The following VPS13B variants were observed in gnomAD, a reference collection of about 807,000 sequenced individuals.
The protein encoded by VPS13B is intermembrane lipid transfer protein VPS13B.
A neutral mutation model predicts 426.4 loss-of-function variants in VPS13B; 285 were observed. The observed-to-expected ratio is 0.67, with a 90% CI of 0.61 to 0.74. The LOEUF (loss-of-function observed/expected upper bound fraction) is 0.74. Among genes scored for constraint, VPS13B ranks in the 30% least tolerant of loss-of-function variants. VPS13B has a pLI of 0.00. For missense variants in VPS13B, 4,537 were observed against 4,782.6 expected, an observed-to-expected ratio of 0.95 and a Z score of 1.51; for synonymous variants, 1,676 against 1,676.4, an observed-to-expected ratio of 1.00 and a Z score of 0.01.
chr8:99,476,509 A>G (rs72674629), intron 24 of VPS13B, among the ~76,000 whole-genome samples: 247 of 152,098 alleles, frequency 1.6e-3, no homozygotes, highest in South Asian at 5.8e-3. Context: ...AGAACGCCAT[A>G]TCTACATACC....
chr8:99,820,768 A>G (rs1186869819), intron 49 of VPS13B, among the ~76,000 whole-genome samples: 2 of 152,192 alleles, frequency 1.3e-5, no homozygotes, highest in Non-Finnish European at 2.9e-5. Context: ...TAACTCCTAA[A>G]TAAAATGTCT....
Position 99,035,649 on chromosome 8 carries a change from T to C in VPS13B, c.148-2774T>C, listed in dbSNP as rs530701705. 2.6e-5 allele frequency among the ~76,000 whole-genome samples: 4 copies of C among 152,328 alleles called. No individual in the cohort carries two copies. In the South Asian group the frequency reaches 6.2e-4, roughly 24 times the overall value. On this transcript the variant is annotated intron_variant, in intron 2 of 61. Coordinates refer to ENST00000357162, the MANE Select transcript of VPS13B (RefSeq NM_152564.5). The stretch of plus-strand genomic sequence containing the variant: ...CTTTGAACATGGGTGTGTGAATATC[T>C]CCTTAAGATTTTCTTTTAAATTATT...
At chr8:99,091,427 C>T (rs959517053) in intron 3 of VPS13B, among the ~76,000 whole-genome samples, 4 of 152,068 alleles carry the variant, frequency 2.6e-5, no homozygotes, top group Non-Finnish European at 5.9e-5. Flanking sequence ...CTGTCATAAC[C>T]CCTTTTTTCC....
chr8:99,388,775 C>T (rs771039072), intron 20 of VPS13B, among the ~76,000 whole-genome samples: 5 of 152,160 alleles, frequency 3.3e-5, no homozygotes, highest in African/African-American at 7.2e-5. Flanking sequence ...CAGCTGTGTA[C>T]AAGGCATACA....
chr8:99,818,887 A>G lies in VPS13B; in HGVS notation c.8620A>G (p.Arg2874Gly). The change falls in exon 47 of 62, where the codon AGA becomes GGA. Residue 2874 changes from arginine to glycine, a missense_variant and splice_region_variant. By Grantham distance (125) the Arg-to-Gly change is moderately radical. Coordinates refer to ENST00000357162, the MANE Select transcript of VPS13B (RefSeq NM_152564.5). ...DLVHHLTFQA[R>G]EEYDPSDCAV... ...TGTACATCACCTGACATTCCAAGCA[A>G]GGTACTAGAAAAATCCTTCCATACA... 1 of 1,474,176 alleles carries G rather than the reference A, an allele frequency of 6.8e-7. No individual in the cohort carries two copies. Among genetic ancestry groups the G allele is most frequent in the Non-Finnish European group, 9.2e-7 (1 of 1,092,376 alleles). The allele number at this position is 1,474,176 out of a possible 1,614,324, so 91.3% of individuals were successfully genotyped here. A position where few individuals can be genotyped will look rare whatever the true frequency, so the allele number is the denominator to read the frequency against.
At chr8:99,562,184 A>G (rs565383145) in intron 31 of VPS13B, among the ~76,000 whole-genome samples, 28 of 152,208 alleles carry the variant, frequency 1.8e-4, no homozygotes, top group African/African-American at 6.7e-4. Flanking sequence ...TTACATCTCT[A>G]TAATGATTAA....
chr8:99,467,670 T>C, intron 24 of VPS13B, 36 bp downstream of exon 24: 1 of 1,586,936 alleles, frequency 6.3e-7, no homozygotes, highest in African/African-American at 1.5e-5. Flanking sequence ...AAATTTAAAG[T>C]AATGTGATTT....
At chr8:99,441,066 A>G (rs947786161) in intron 22 of VPS13B, among the ~76,000 whole-genome samples, 13 of 152,246 alleles carry the variant, frequency 8.5e-5, no homozygotes, top group African/African-American at 3.1e-4. Flanking sequence ...ATCTTAAATC[A>G]ATAAACTACT....
At chr8:99,431,765 AT>A (rs1273645355) in intron 22 of VPS13B, 101 bp downstream of exon 22, 1 of 1,185,698 alleles carries the variant, frequency 8.4e-7, no homozygotes, top group Non-Finnish European at 1.2e-6. Context: ...TGTAACAATT[AT>A]GTATACCATC....
At chr8:99,349,242 A>G (rs1811723808) in intron 19 of VPS13B, among the ~76,000 whole-genome samples, 1 of 140,432 alleles carries the variant, frequency 7.1e-6, no homozygotes, top group South Asian at 2.5e-4. Flanking sequence ...CTGAGGCAGG[A>G]GAATGGCGTG....
At chr8:99,673,275 G>A (rs766124840) in intron 35 of VPS13B, among the ~76,000 whole-genome samples, 1 of 151,836 alleles carries the variant, frequency 6.6e-6, no homozygotes, top group East Asian at 1.9e-4. Flanking sequence ...TTTTTTGATG[G>A]GAGATTTTTT....
intron 17 of VPS13B, among the ~76,000 whole-genome samples, chr8:99,243,891 A>G (rs1361241524): frequency 6.6e-6 from 1 of 152,214 alleles, no homozygotes; most frequent in Non-Finnish European, 1.5e-5. Context: ...TCAATCCTGA[A>G]GTGGTTGCTC....
intron 19 of VPS13B, among the ~76,000 whole-genome samples, chr8:99,376,848 A>C (rs1032534670): frequency 6.6e-6 from 1 of 152,056 alleles, no homozygotes; most frequent in Non-Finnish European, 1.5e-5. Context: ...AGTATATAAT[A>C]TGGCCTGTAC....
intron 19 of VPS13B, among the ~76,000 whole-genome samples, chr8:99,297,569 A>G (rs1277012321): frequency 6.6e-6 from 1 of 152,218 alleles, no homozygotes; most frequent in Non-Finnish European, 1.5e-5. Context: ...TTTTTACAAA[A>G]TGAAAATGTC....
intron 15 of VPS13B, among the ~76,000 whole-genome samples, chr8:99,168,033 T>G (rs995892874): frequency 1.3e-5 from 2 of 152,174 alleles, no homozygotes; most frequent in African/African-American, 4.8e-5. Flanking sequence ...TGTAAATCTA[T>G]GTATCTGATT....
Position 99,311,756 on chromosome 8 carries a change from T to A in VPS13B, c.2824+36502T>A, listed in dbSNP as rs527772046. Among the ~76,000 whole-genome samples the A allele has an allele frequency of 3.3e-3, 500 of 152,286 alleles. 2 individuals are homozygous for A. The highest frequency in any genetic ancestry group is 5.7e-3 in the Non-Finnish European group (387 of 68,012). ...CTTTCTGTCTCATTGATCTGTCTAA[T>A]GTTGATAGTGGGGTGTTATAGTCTC... On this transcript the variant is annotated intron_variant, in intron 19 of 61. Transcript: ENST00000357162.
intron 3 of VPS13B, among the ~76,000 whole-genome samples, chr8:99,084,597 A>G (rs962149735): frequency 1.1e-4 from 16 of 152,198 alleles, no homozygotes; most frequent in Non-Finnish European, 2.1e-4. Flanking sequence ...ATTTAGCGCT[A>G]TAATTTTCCC....
intron 36 of VPS13B, among the ~76,000 whole-genome samples, chr8:99,702,730 T>C (rs528845141): frequency 6.6e-6 from 1 of 152,298 alleles, no homozygotes; most frequent in South Asian, 2.1e-4. Context: ...GGAACAATTA[T>C]AGCAGCAGAA....
At chr8:99,464,495 AT>A (rs1819004720) in intron 23 of VPS13B, among the ~76,000 whole-genome samples, 1 of 152,172 alleles carries the variant, frequency 6.6e-6, no homozygotes, top group Non-Finnish European at 1.5e-5. Context: ...AAGGATTTGT[AT>A]AAATAGTCAT....
Sources: allele counts gnomAD v4.1 joint callset (sites outside exome capture counted in the v4.1 genomes callset), GRCh38; gene constraint gnomAD v4.1.1; transcripts MANE v1.5; gene names NCBI Gene and HGNC (gene_info 2026-07-23, HGNC 2026-07-21).